Variants in ARL15 observed in about 807,000 individuals in gnomAD.
The protein encoded by ARL15 is ARF like GTPase 15.
In ARL15, 19 loss-of-function variants were observed where a neutral mutation model predicts 25.2. That is an observed-to-expected ratio of 0.75 (90% CI 0.53 to 1.10). The LOEUF (loss-of-function observed/expected upper bound fraction) is 1.10, where lower values mean the gene tolerates loss of function less well. ARL15 is among the 50% of genes least tolerant of loss of function. ARL15 has a pLI of 0.00. For synonymous variants in ARL15, 94 were observed against 86.8 expected (o/e 1.08, Z -0.46); for missense variants, 220 against 246.0 (o/e 0.89, Z 0.71).
At chr5:54,211,596 G>A (rs1356416416) in intron 1 of ARL15, among the ~76,000 whole-genome samples, 1 of 149,808 alleles carries the variant, frequency 6.7e-6, no homozygotes, top group East Asian at 2.0e-4. Context: ...TCAGCCTCGC[G>A]AGTAGCTGGG....
chr5:54,083,192 G>A (rs755963879), intron 4 of ARL15, among the ~76,000 whole-genome samples: 2 of 152,164 alleles, frequency 1.3e-5, no homozygotes, highest in African/African-American at 4.8e-5. Context: ...TCAAAGAATT[G>A]TATTTCATGA....
rs34592464 is a variant in ARL15, at chr5:54,272,107, C to CTTTTTTTT, written c.48+38317_48+38324dup. Among the ~76,000 whole-genome samples the CTTTTTTTT allele has an allele frequency of 1.9e-3, 70 of 36,788 alleles. 12 individuals are homozygous for CTTTTTTTT. Among genetic ancestry groups the CTTTTTTTT allele is most frequent in the Non-Finnish European group, 3.3e-3 (60 of 18,016 alleles). 24.1% of individuals were successfully genotyped at this position (36,788 alleles called of 152,430 possible). A position where few individuals can be genotyped will look rare whatever the true frequency, so the allele number is the denominator to read the frequency against. ...TATAGGTGTGTGCCACCACTCCTGGCTTTTTTTTTTTTTTTTTTTTTTTTT... is the reference window on the plus strand; with the variant it reads ...TATAGGTGTGTGCCACCACTCCTGGCTTTTTTTTTTTTTTTTTTTTTTTTTTTTTTTTT... On this transcript the variant is annotated intron_variant, in intron 1 of 4. Transcript: ENST00000504924.
At chr5:54,007,784 G>C (rs574712802) in intron 4 of ARL15, among the ~76,000 whole-genome samples, 5 of 152,278 alleles carry the variant, frequency 3.3e-5, no homozygotes, top group African/African-American at 1.2e-4. Context: ...GCACACTTGA[G>C]CCAAAAGAAG....
intron 1 of ARL15, among the ~76,000 whole-genome samples, chr5:54,192,540 C>G (rs563830684): frequency 1.3e-3 from 191 of 151,422 alleles, no homozygotes; most frequent in African/African-American, 4.5e-3. Flanking sequence ...AAGGAACATG[C>G]ATCCTTTTAA....
chr5:54,216,979 T>C (rs139074874), intron 1 of ARL15, among the ~76,000 whole-genome samples: 1 of 152,076 alleles, frequency 6.6e-6, no homozygotes, highest in South Asian at 2.1e-4. Flanking sequence ...GTTTTTTAAA[T>C]AGTTTAAGGT....
intron 1 of ARL15, among the ~76,000 whole-genome samples, chr5:54,248,623 T>G (rs2112592939): frequency 6.6e-6 from 1 of 152,352 alleles, no homozygotes; most frequent in Admixed American, 6.5e-5. Context: ...TTTACTTATT[T>G]GCTAATTGTA....
chr5:54,279,273 C>T (rs1757996440), intron 1 of ARL15, among the ~76,000 whole-genome samples: 1 of 151,232 alleles, frequency 6.6e-6, no homozygotes, highest in Admixed American at 6.6e-5. Flanking sequence ...TTTCTCCTCC[C>T]TGTGTTAATC....
At chr5:53,963,847 AC>A (rs1747454736) in intron 4 of ARL15, among the ~76,000 whole-genome samples, 1 of 148,070 alleles carries the variant, frequency 6.8e-6, no homozygotes, top group Non-Finnish European at 1.5e-5. Flanking sequence ...ACACACACAC[AC>A]ATACACAGAG....
chr5:53,890,912 GTT>G (rs1744687000), intron 4 of ARL15, among the ~76,000 whole-genome samples: 1 of 152,162 alleles, frequency 6.6e-6, no homozygotes, highest in African/African-American at 2.4e-5. Flanking sequence ...TGTCCTTTAT[GTT>G]TCCTTGAGCA....
chr5:53,964,430 G>A (rs931505131), intron 4 of ARL15, among the ~76,000 whole-genome samples: 1 of 152,044 alleles, frequency 6.6e-6, no homozygotes, highest in Non-Finnish European at 1.5e-5. Context: ...CGTGATCTCG[G>A]CTCACTGCAT....
In ARL15 at chr5:53,986,488, C is replaced by T. The variant is rs190990700; in HGVS notation, c.463-99775G>A. Among the ~76,000 whole-genome samples, 725 of 152,314 alleles carry T rather than the reference C, an allele frequency of 4.8e-3. 3 individuals carry two copies. Among genetic ancestry groups the T allele is most frequent in the Admixed American group, 8.2e-3 (125 of 15,294 alleles). On this transcript the variant is annotated intron_variant, in intron 4 of 4. Coordinates refer to ENST00000504924, the MANE Select transcript of ARL15 (RefSeq NM_019087.3). Reference sequence around the variant, plus strand: ...TCTGTGTTAAAATGTAGACTGCCAGCCTCCACTCCAGACATCGGATTACAC... The same window carrying T: ...TCTGTGTTAAAATGTAGACTGCCAGTCTCCACTCCAGACATCGGATTACAC...
intron 4 of ARL15, among the ~76,000 whole-genome samples, chr5:53,988,321 G>GAAAAAAA (rs756851983): frequency 1.9e-5 from 2 of 106,916 alleles, no homozygotes; most frequent in African/African-American, 3.5e-5. Flanking sequence ...AAGAAAAAAA[G>GAAAAAAA]AAAAAAAAAA....
intron 4 of ARL15, among the ~76,000 whole-genome samples, chr5:53,944,432 G>A (rs1398719068): frequency 6.6e-6 from 1 of 151,996 alleles, no homozygotes; most frequent in East Asian, 1.9e-4. Flanking sequence ...GCAACACGGT[G>A]AAACTTCATC....
chr5:53,949,607 T>C (rs1481930899), intron 4 of ARL15, among the ~76,000 whole-genome samples: 1 of 152,208 alleles, frequency 6.6e-6, no homozygotes, highest in Non-Finnish European at 1.5e-5. Context: ...TCCAAGGATG[T>C]GTCTTCTTAA....
intron 1 of ARL15, among the ~76,000 whole-genome samples, chr5:54,269,765 C>T (rs1190012260): frequency 6.6e-6 from 1 of 152,152 alleles, no homozygotes; most frequent in Non-Finnish European, 1.5e-5. Context: ...CCTGCCTCAG[C>T]CTCCTGATTA....
intron 3 of ARL15, among the ~76,000 whole-genome samples, chr5:54,153,474 C>T (rs1754129168): frequency 6.6e-6 from 1 of 152,100 alleles, no homozygotes; most frequent in African/African-American, 2.4e-5. Context: ...TAATAGAACA[C>T]AGTCTTTTAA....
At chr5:53,966,016 C>T (rs760639318) in intron 4 of ARL15, among the ~76,000 whole-genome samples, 4 of 152,116 alleles carry the variant, frequency 2.6e-5, no homozygotes, top group Non-Finnish European at 4.4e-5. Context: ...CATACAATTT[C>T]TAAAATCCTT....
intron 2 of ARL15, among the ~76,000 whole-genome samples, chr5:54,168,859 C>G (rs907099529): frequency 6.6e-6 from 1 of 152,150 alleles, no homozygotes; most frequent in African/African-American, 2.4e-5. Context: ...ATATCACATT[C>G]TGTCTTAGCA....
intron 1 of ARL15, among the ~76,000 whole-genome samples, chr5:54,212,909 A>C (rs1756085489): frequency 6.6e-6 from 1 of 152,196 alleles, no homozygotes; most frequent in African/African-American, 2.4e-5. Context: ...CAAAACACTT[A>C]ACCTACCCAT....
Sources: gnomAD v4.1 joint callset for allele counts (sites outside exome capture counted in the v4.1 genomes callset) on GRCh38, gnomAD v4.1.1 for gene constraint, MANE v1.5 for transcripts, NCBI Gene and HGNC (gene_info 2026-07-23, HGNC 2026-07-21) for gene names.